Variants in SIMC1 observed in about 807,000 individuals in gnomAD.
The protein encoded by SIMC1 is SUMO interacting motifs containing 1.
A neutral mutation model predicts 82.3 loss-of-function variants in SIMC1; 55 were observed. The ratio of observed to expected loss-of-function variants is 0.67; its 90% CI spans 0.54 to 0.84. The LOEUF (loss-of-function observed/expected upper bound fraction) is 0.84. SIMC1 is among the 40% of genes least tolerant of loss of function. SIMC1 has a pLI of 0.00. For missense variants in SIMC1, 915 were observed against 1,107.2 expected, an observed-to-expected ratio of 0.83 and a Z score of 2.46; for synonymous variants, 353 against 426.3, an observed-to-expected ratio of 0.83 and a Z score of 2.12.
chr5:176,302,640 T>C (rs111567262), intron 4 of SIMC1, among the ~76,000 whole-genome samples: 1 of 151,954 alleles, frequency 6.6e-6, no homozygotes, highest in African/African-American at 2.4e-5. Context: ...CATGATCTTA[T>C]ATGTAGAAAA....
At chr5:176,264,506 G>T (rs1477394490) in intron 1 of SIMC1, among the ~76,000 whole-genome samples, 1 of 152,026 alleles carries the variant, frequency 6.6e-6, no homozygotes, top group East Asian at 1.9e-4. Context: ...CCATGCCTGG[G>T]GCCTTTTGAG....
rs560382851 is a variant in SIMC1 at position 176,290,158 on chromosome 5, G to A, written c.634G>A (p.Val212Ile). Residue 212 changes from valine (V) to isoleucine (I), a missense_variant, in exon 2 of 10, where the codon GTA becomes ATA. Val to Ile is a conservative substitution (Grantham distance 29, BLOSUM62 3). Transcript: ENST00000429602. The stretch of plus-strand genomic sequence containing the variant: ...ACCCTTGCCATGCCCACAGCAAGAT[G>A]TATCTCGCCCACCACAGGCCTTGCC... ...KAPLPCPQQDVSRPPQALPCP... is the reference protein window; with the variant it reads ...KAPLPCPQQDISRPPQALPCP... The A allele has an allele frequency of 2.5e-6, 4 of 1,610,166 alleles. No homozygotes were observed. The highest frequency in any genetic ancestry group is 2.7e-5 in the African/African-American group (2 of 74,842).
At chr5:176,336,241 T>G (rs1488484519) in intron 7 of SIMC1, among the ~76,000 whole-genome samples, 1 of 152,166 alleles carries the variant, frequency 6.6e-6, no homozygotes, top group Non-Finnish European at 1.5e-5. Context: ...CCAAATGTGC[T>G]CTCTTCTGTG....
At chr5:176,251,624 C>T (rs562146783) in intron 1 of SIMC1, among the ~76,000 whole-genome samples, 8 of 149,156 alleles carry the variant, frequency 5.4e-5, no homozygotes, top group Admixed American at 4.0e-4. Context: ...GGGTGTTTCT[C>T]GCAGAGGGGG....
intron 1 of SIMC1, among the ~76,000 whole-genome samples, chr5:176,288,515 TC>T (rs1441775117): frequency 6.6e-6 from 1 of 152,092 alleles, no homozygotes; most frequent in African/African-American, 2.4e-5. Context: ...GGAGTTGAGT[TC>T]AGACCTTTGA....
rs541637876 is a variant in SIMC1 at position 176,271,889 on chromosome 5, ATAAT to A, written c.130-17762_130-17759del. ...TATATAATATATAATTATTATATATATAATTATTATACATTAGTATATAATTGTA... is the reference window on the plus strand; with the variant it reads ...TATATAATATATAATTATTATATATATATTATACATTAGTATATAATTGTA... On this transcript the variant is annotated intron_variant, in intron 1 of 9. Transcript: ENST00000429602. 2.7e-3 allele frequency among the ~76,000 whole-genome samples: 372 copies of A among 137,542 alleles called. 3 individuals are homozygous for A. The highest frequency in any genetic ancestry group is 0.01 in the African/African-American group (353 of 34,806). The allele number at this position is 137,542 out of a possible 152,430, so 90.2% of individuals were successfully genotyped here.
At chr5:176,300,123 A>ACT (rs1271736736) in intron 4 of SIMC1, among the ~76,000 whole-genome samples, 1 of 152,238 alleles carries the variant, frequency 6.6e-6, no homozygotes, top group Non-Finnish European at 1.5e-5. Flanking sequence ...CAAAAGCAGC[A>ACT]CTAAGAAGTA....
At chr5:176,257,846 G>C (rs764014291) in intron 1 of SIMC1, among the ~76,000 whole-genome samples, 6 of 152,136 alleles carry the variant, frequency 3.9e-5, no homozygotes, top group Non-Finnish European at 8.8e-5. Context: ...CCTATGCACT[G>C]TAGGATATTT....
intron 7 of SIMC1, 112 bp downstream of exon 7, chr5:176,324,869 A>C: frequency 1.6e-6 from 2 of 1,249,106 alleles, no homozygotes; most frequent in South Asian, 3.4e-5. Flanking sequence ...TGTCAGGAAC[A>C]GAATTTTACA....
At chr5:176,261,807 A>G (rs1234682047) in intron 1 of SIMC1, among the ~76,000 whole-genome samples, 1 of 152,172 alleles carries the variant, frequency 6.6e-6, no homozygotes, top group African/African-American at 2.4e-5. Context: ...CCTATATTCA[A>G]TAAAGAAATA....
intron 6 of SIMC1, among the ~76,000 whole-genome samples, chr5:176,324,271 AC>A (rs1698438195): frequency 6.6e-6 from 1 of 152,154 alleles, no homozygotes; most frequent in Non-Finnish European, 1.5e-5. Flanking sequence ...GTCACTCTGG[AC>A]CTGTTTCTTC....
intron 2 of SIMC1, among the ~76,000 whole-genome samples, chr5:176,294,131 A>G (rs575409024): frequency 2.6e-5 from 4 of 152,156 alleles, no homozygotes; most frequent in South Asian, 4.1e-4. Context: ...CCCAAAATCA[A>G]CCTAGGCTAC....
chr5:176,308,154 A>G (rs1046547620), intron 4 of SIMC1: 2 of 1,091,194 alleles, frequency 1.8e-6, no homozygotes, highest in East Asian at 4.8e-5. Context: ...AGCACAGAGA[A>G]GGAGGAAGTG....
intron 7 of SIMC1, among the ~76,000 whole-genome samples, chr5:176,335,556 G>A (rs1765856075): frequency 6.6e-6 from 1 of 151,782 alleles, no homozygotes; most frequent in African/African-American, 2.4e-5. Flanking sequence ...AGGATTACAG[G>A]CATGAGCCAC....
intron 1 of SIMC1, among the ~76,000 whole-genome samples, chr5:176,241,823 A>G (rs1761285080): frequency 1.3e-5 from 2 of 151,706 alleles, no homozygotes; most frequent in South Asian, 4.2e-4. Context: ...TGTCAATACC[A>G]TAGGTTTACA....
At position 176,340,586 on chromosome 5, in the gene SIMC1, CA is replaced by C. The variant is rs1046537289; in HGVS notation, c.2413+3442del. 3.7e-4 allele frequency among the ~76,000 whole-genome samples: 56 copies of C among 152,298 alleles called. 1 individual carries two copies. The highest frequency in any genetic ancestry group is 1.3e-3 in the African/African-American group (53 of 41,556). On this transcript the variant is annotated intron_variant, in intron 9 of 9. Transcript: ENST00000429602. Reference sequence around the variant, plus strand: ...AAAGCAGAAGCAGGTAGGATCAGTTCAATTCATATATTTATCCAGGCAACAG... The same window carrying C: ...AAAGCAGAAGCAGGTAGGATCAGTTCATTCATATATTTATCCAGGCAACAG...
At chr5:176,277,824 C>T (rs1412961847) in intron 1 of SIMC1, among the ~76,000 whole-genome samples, 2 of 151,652 alleles carry the variant, frequency 1.3e-5, no homozygotes, top group African/African-American at 4.9e-5. Flanking sequence ...GTTTTGGTAC[C>T]AGTACCATGC....
At chr5:176,267,958 A>C (rs1390242965) in intron 1 of SIMC1, among the ~76,000 whole-genome samples, 1 of 151,682 alleles carries the variant, frequency 6.6e-6, no homozygotes, top group East Asian at 1.9e-4. Flanking sequence ...CCATGTTGCC[A>C]AGGCTGGTCT....
At chr5:176,307,473 T>C (rs1372215304) in intron 4 of SIMC1, among the ~76,000 whole-genome samples, 2 of 152,194 alleles carry the variant, frequency 1.3e-5, no homozygotes, top group African/African-American at 4.8e-5. Context: ...TGATCTCAGC[T>C]CACTTCAAGC....
Sources: gnomAD v4.1 joint callset for allele counts (sites outside exome capture counted in the v4.1 genomes callset) on GRCh38, gnomAD v4.1.1 for gene constraint, MANE v1.5 for transcripts, NCBI Gene and HGNC (gene_info 2026-07-23, HGNC 2026-07-21) for gene names.